Variants in TMEM176A observed in about 807,000 individuals in gnomAD.
TMEM176A encodes the protein hepatocellular carcinoma-associated antigen 112.
Under a neutral mutation model 27.9 loss-of-function variants are expected in TMEM176A, and 20 were observed. That is an observed-to-expected ratio of 0.72 (90% CI 0.50 to 1.04). The LOEUF (loss-of-function observed/expected upper bound fraction) is 1.04. Among genes scored for constraint, TMEM176A ranks in the 50% least tolerant of loss-of-function variants. The pLI, the probability that TMEM176A is intolerant of heterozygous loss-of-function variation, is 0.00. For missense variants in TMEM176A, 252 were observed against 289.1 expected, an observed-to-expected ratio of 0.87 and a Z score of 0.93; for synonymous variants, 125 against 118.0, an observed-to-expected ratio of 1.06 and a Z score of -0.38.
chr7:150,802,177 C>T (rs765121993), intron 2 of TMEM176A, 38 bp from the exon 3 acceptor site: 2 of 1,579,612 alleles, frequency 1.3e-6, no homozygotes, highest in Non-Finnish European at 1.7e-6. Context: ...GTGGCAGGTC[C>T]ACCTAGGAGC....
Position 150,803,762 on chromosome 7 carries a change from C to T in TMEM176A, c.485C>T (p.Pro162Leu), listed in dbSNP as rs1798866943. ...RISSSSDWNT[P>L]APTQSPEEVR... ...TCCAGCTCGAGTGACTGGAACACTC[C>T]AGCCCCCACTCAGAGTCCAGAAGAA... The change falls in exon 5 of 7, where the codon CCA becomes CTA. Residue 162 changes from proline (P) to leucine (L), a missense_variant. By Grantham distance (98) the Pro-to-Leu change is moderately conservative. Coordinates refer to ENST00000004103, the MANE Select transcript of TMEM176A (RefSeq NM_018487.3). 1 of 1,614,054 alleles carries T rather than the reference C, an allele frequency of 6.2e-7. No individual in the cohort carries two copies. Among genetic ancestry groups the T allele is most frequent in the East Asian group, 2.2e-5 (1 of 44,894 alleles).
At chr7:150,801,969 T>C (rs1584758037) in intron 2 of TMEM176A, 1 of 618,176 alleles carries the variant, frequency 1.6e-6, no homozygotes. Flanking sequence ...CATCCTTTCC[T>C]CTGGGCCAAA....
chr7:150,801,767 C>A (rs762555555), intron 2 of TMEM176A, 43 bp downstream of exon 2: 1 of 1,450,970 alleles, frequency 6.9e-7, no homozygotes, highest in Non-Finnish European at 9.0e-7. Flanking sequence ...GGAGGAACTC[C>A]CCACCTCCAG....
At chr7:150,801,459 C>T in intron 1 of TMEM176A, 77 bp from the exon 2 acceptor site, 1 of 1,475,730 alleles carries the variant, frequency 6.8e-7, no homozygotes, top group Non-Finnish European at 9.1e-7. Context: ...ACCACTGGCC[C>T]CTGACCTCCC....
intron 6 of TMEM176A, 127 bp from the exon 7 acceptor site, chr7:150,804,700 A>G: frequency 9.3e-7 from 1 of 1,075,636 alleles, no homozygotes; most frequent in Non-Finnish European, 1.4e-6. Flanking sequence ...GTCCATATCC[A>G]TGCTATGCCT....
chr7:150,803,950 C>T, intron 5 of TMEM176A, 118 bp downstream of exon 5: 5 of 910,100 alleles, frequency 5.5e-6, no homozygotes, highest in East Asian at 2.6e-5. Context: ...ACCAAGCTTG[C>T]GTATTGTCAC....
At chr7:150,802,063 T>C in intron 2 of TMEM176A, 152 bp from the exon 3 acceptor site, 1 of 602,978 alleles carries the variant, frequency 1.7e-6, no homozygotes, top group Non-Finnish European at 2.9e-6. Flanking sequence ...CTTCTCCTCC[T>C]CTTTCTTCTC....
intron 6 of TMEM176A, 89 bp from the exon 7 acceptor site, chr7:150,804,738 T>C: frequency 4.5e-6 from 6 of 1,341,756 alleles, no homozygotes; most frequent in Non-Finnish European, 6.4e-6. Context: ...CTGCTGATTC[T>C]GGTAGCTCCA....
rs1584757110 is a variant in TMEM176A, at chr7:150,801,665, G to A, written c.115G>A (p.Ala39Thr). The A allele has an allele frequency of 1.2e-6, 2 of 1,611,296 alleles. No homozygotes were observed. Among genetic ancestry groups the A allele is most frequent in the East Asian group, 2.2e-5 (1 of 44,782 alleles). The change falls in exon 2 of 7, where the codon GCG becomes ACG. Residue 39 changes from alanine to threonine, a missense_variant. By Grantham distance (58) the Ala-to-Thr change is moderately conservative (BLOSUM62 0). Coordinates refer to ENST00000004103, the MANE Select transcript of TMEM176A (RefSeq NM_018487.3). ...LAKLLLTCCS[A>T]LRPRATQARG... Reference sequence around the variant, plus strand: ...CAAGCTCCTGCTCACCTGCTGCTCTGCGCTGCGGCCCCGGGCCACCCAGGC... The same window carrying A: ...CAAGCTCCTGCTCACCTGCTGCTCTACGCTGCGGCCCCGGGCCACCCAGGC...
At chr7:150,802,651 T>G in intron 3 of TMEM176A, 1 of 1,033,760 alleles carries the variant, frequency 9.7e-7, no homozygotes, top group Non-Finnish European at 1.2e-6. Flanking sequence ...AGGCAGAGCG[T>G]TCCAGATAGT....
intron 2 of TMEM176A, 29 bp from the exon 3 acceptor site, chr7:150,802,186 G>A (rs1798821704): frequency 6.2e-7 from 1 of 1,602,502 alleles, no homozygotes; most frequent in Non-Finnish European, 8.5e-7. Flanking sequence ...CCACCTAGGA[G>A]CCGGGATCTT....
At chr7:150,801,158 C>A in intron 1 of TMEM176A, 1 of 220,702 alleles carries the variant, frequency 4.5e-6, no homozygotes, top group Non-Finnish European at 7.8e-6. Flanking sequence ...GCCAAGGACT[C>A]GGTCCTGTCC....
intron 6 of TMEM176A, 141 bp from the exon 7 acceptor site, chr7:150,804,686 G>T: frequency 1.0e-6 from 1 of 985,862 alleles, no homozygotes; most frequent in Non-Finnish European, 1.6e-6. Context: ...AGGAATCCAG[G>T]GAAGTCCATA....
At chr7:150,800,929 A>G in intron 1 of TMEM176A, 101 bp downstream of exon 1, 1 of 985,572 alleles carries the variant, frequency 1.0e-6, no homozygotes. Flanking sequence ...ACCCCCACCC[A>G]GGGATGACAC....
chr7:150,803,613 T>G lies in TMEM176A; in HGVS notation c.343-7T>G, dbSNP rs755990346. 19 of 1,613,340 alleles carry G rather than the reference T, an allele frequency of 1.2e-5. No homozygotes were observed. The highest frequency in any genetic ancestry group is 6.7e-5 in the East Asian group (3 of 44,876). On this transcript the variant is annotated splice_polypyrimidine_tract_variant and splice_region_variant and intron_variant, in intron 4 of 6. Transcript: ENST00000004103. ...CAAAGATTTCTCTCTGCCTCCTCCCTCCCCAGGCCCTGCTGAGGACTCTGC... is the reference window on the plus strand; with the variant it reads ...CAAAGATTTCTCTCTGCCTCCTCCCGCCCCAGGCCCTGCTGAGGACTCTGC...
rs1798752779 is a variant in TMEM176A at position 150,800,808 on chromosome 7, C to T, written c.-36C>T. The T allele has an allele frequency of 1.8e-6, 1 of 542,676 alleles. No homozygotes were observed. The highest frequency in any genetic ancestry group is 2.3e-6 in the Non-Finnish European group (1 of 425,802). 33.6% of individuals were successfully genotyped at this position (542,676 alleles called of 1,614,324 possible). A position where few individuals can be genotyped will look rare whatever the true frequency, so the allele number is the denominator to read the frequency against. On this transcript the variant is annotated 5_prime_UTR_variant, in exon 1 of 7. Coordinates refer to ENST00000004103, the MANE Select transcript of TMEM176A (RefSeq NM_018487.3). ...CGCCCCAGCCCTCCCGCCGCCCGCT[C>T]GCAGGTCCCGAGGAGCGCAGGTGAG...
chr7:150,802,143 GGGTTTTAGC>G (rs1484892640), intron 2 of TMEM176A, 63 bp from the exon 3 acceptor site: 1 of 1,118,362 alleles, frequency 8.9e-7, no homozygotes, highest in Non-Finnish European at 1.4e-6. Context: ...TCTCTTTTTG[GGGTTTTAGC>G]GGTTAATCCC....
Position 150,803,744 on chromosome 7 carries a change from CG to C in TMEM176A, c.468del (p.Ser157ValfsTer28). The C allele has an allele frequency of 6.2e-7, 1 of 1,614,142 alleles. No individual in the cohort carries two copies. The highest frequency in any genetic ancestry group is 8.5e-7 in the Non-Finnish European group (1 of 1,180,038). On this transcript the variant is annotated frameshift_variant, in exon 5 of 7. Transcript: ENST00000004103. LOFTEE classifies it high-confidence loss of function. Reference protein sequence around the residue: ...YYNSACRISSSSDWNTPAPTQ... With the variant: ...YYNSACRISSXSDWNTPAPTQ... ...AACAGTGCCTGCCGCATCTCCAGCT[CG>C]AGTGACTGGAACACTCCAGCCCCCA...
rs1241646749 is a variant in TMEM176A, at chr7:150,803,457, G to T, written c.342+1G>T. On this transcript the variant is annotated splice_donor_variant, in intron 4 of 6. Coordinates refer to ENST00000004103, the MANE Select transcript of TMEM176A (RefSeq NM_018487.3). LOFTEE classifies it high-confidence loss of function. ...CGAGAAACGGGGTGGTACATACTGG[G>T]TAAGTTCAGGGAAGGGCATGGGAGG... 6.3e-7 allele frequency: 1 copy of T among 1,595,042 alleles called. No individual in the cohort carries two copies. Among genetic ancestry groups the T allele is most frequent in the Non-Finnish European group, 8.5e-7 (1 of 1,171,112 alleles).
Sources: allele counts gnomAD v4.1 joint callset, GRCh38; gene constraint gnomAD v4.1.1; transcripts MANE v1.5; gene names NCBI Gene and HGNC (gene_info 2026-07-23, HGNC 2026-07-21).